The following TRIM29 variants were observed in gnomAD, a reference collection of about 807,000 sequenced individuals.
The protein encoded by TRIM29 is tripartite motif-containing protein 29.
In TRIM29, 52 loss-of-function variants were observed where a neutral mutation model predicts 57.3. The ratio of observed to expected loss-of-function variants is 0.91; its 90% CI spans 0.73 to 1.14. The LOEUF (loss-of-function observed/expected upper bound fraction) is 1.14. Ranked by LOEUF, TRIM29 falls within the 50% of genes most tolerant of loss-of-function variation. The pLI is 0.00. For missense variants in TRIM29, 753 were observed against 774.6 expected (o/e 0.97, Z 0.33); for synonymous variants, 319 against 316.9 (o/e 1.01, Z -0.07).
intron 7 of TRIM29, chr11:120,116,590 T>C (rs543415620): frequency 6.5e-6 from 1 of 154,190 alleles, no homozygotes; most frequent in African/African-American, 2.4e-5. Context: ...GCAAAGAACC[T>C]GGGTCTCTTC....
chr11:120,136,015 A>G (rs572302262), intron 1 of TRIM29, among the ~76,000 whole-genome samples: 79 of 152,296 alleles, frequency 5.2e-4, no homozygotes, highest in African/African-American at 1.8e-3. Flanking sequence ...CAGGTATGCT[A>G]CATCCACAAG....
chr11:120,130,208 G>A (rs1305792638), intron 1 of TRIM29, among the ~76,000 whole-genome samples: 1 of 152,128 alleles, frequency 6.6e-6, no homozygotes, highest in Non-Finnish European at 1.5e-5. Flanking sequence ...GTGAGGAAGA[G>A]TCCAAGAGAG....
chr11:120,119,144 G>A (rs1863365411), intron 6 of TRIM29, among the ~76,000 whole-genome samples: 1 of 152,214 alleles, frequency 6.6e-6, no homozygotes, highest in African/African-American at 2.4e-5. Context: ...CCTATGTGCA[G>A]ACATGTTCTA....
intron 4 of TRIM29, chr11:120,123,921 C>T (rs762172334): frequency 2.9e-4 from 54 of 186,136 alleles, no homozygotes; most frequent in African/African-American, 1.1e-3. Context: ...TGTCTCTTAG[C>T]GCAGGGGCCT....
chr11:120,118,449 G>GGC, intron 6 of TRIM29, 128 bp from the exon 7 acceptor site: 1 of 654,000 alleles, frequency 1.5e-6, no homozygotes, highest in Non-Finnish European at 2.6e-6. Flanking sequence ...GCCACTGTGT[G>GGC]ATCCCAGTGA....
intron 8 of TRIM29, among the ~76,000 whole-genome samples, chr11:120,114,472 A>G (rs952700563): frequency 6.6e-5 from 10 of 152,176 alleles, no homozygotes; most frequent in Non-Finnish European, 1.3e-4. Context: ...CTGACCTCCA[A>G]TTGCAAGGAC....
At chr11:120,120,500 C>A in intron 6 of TRIM29, 73 bp downstream of exon 6, 2 of 1,406,202 alleles carry the variant, frequency 1.4e-6, no homozygotes, top group Non-Finnish European at 2.0e-6. Context: ...GCCCCTGGAC[C>A]CACCTCTATG....
At chr11:120,116,990 C>T (rs924810277) in intron 7 of TRIM29, 11 of 442,934 alleles carry the variant, frequency 2.5e-5, no homozygotes, top group Admixed American at 2.0e-4. Flanking sequence ...CACTGCGACC[C>T]AGTGGTTTGG....
chr11:120,112,410 G>T lies in TRIM29; in HGVS notation c.*4C>A. 1 of 1,613,598 alleles carries T rather than the reference G, an allele frequency of 6.2e-7. No individual in the cohort carries two copies. The highest frequency in any genetic ancestry group is 1.1e-5 in the South Asian group (1 of 91,026). ...TGTGGCGCCTCGTTCCTTCCGCCAG[G>T]AGCTCATGGGGCTTCGTTGGACCCA... On this transcript the variant is annotated 3_prime_UTR_variant, in exon 9 of 9. Coordinates refer to ENST00000341846, the MANE Select transcript of TRIM29 (RefSeq NM_012101.4).
chr11:120,115,221 A>T, intron 8 of TRIM29, 117 bp downstream of exon 8: 2 of 992,426 alleles, frequency 2.0e-6, no homozygotes, highest in Non-Finnish European at 3.1e-6. Flanking sequence ...CTTCTCCTCC[A>T]CCCCATGGCC....
Position 120,118,257 on chromosome 11 carries a change from G to C in TRIM29, c.1593C>G (p.Pro531=), listed in dbSNP as rs763157409. 21 of 1,614,008 alleles carry C rather than the reference G, an allele frequency of 1.3e-5. No homozygotes were observed. Among genetic ancestry groups the C allele is most frequent in the Non-Finnish European group, 1.8e-5 (21 of 1,179,960 alleles). The change falls in exon 7 of 9, where the codon CCC becomes CCG. Residue 531 remains proline, a synonymous_variant. Coordinates refer to ENST00000341846, the MANE Select transcript of TRIM29 (RefSeq NM_012101.4). The part of the protein sequence containing the change: ...SSIQNSDNDL[P]VVQGSSSFSL... The stretch of plus-strand genomic sequence containing the variant: ...AGAAGGAGGAGCTGCCTTGGACGAC[G>C]GGCAGGTCATTGTCAGAGTTCTGAA...
Position 120,115,217 on chromosome 11 carries a change from C to A in TRIM29, c.1704+121G>T, listed in dbSNP as rs1005460569. 13 of 965,016 alleles carry A rather than the reference C, an allele frequency of 1.3e-5. No individual in the cohort carries two copies. In the African/African-American group the frequency reaches 2.1e-4, roughly 16 times the overall value. 59.8% of individuals were successfully genotyped at this position (965,016 alleles called of 1,614,324 possible). A position where few individuals can be genotyped will look rare whatever the true frequency, so the allele number is the denominator to read the frequency against. On this transcript the variant is annotated intron_variant, in intron 8 of 8. Coordinates refer to ENST00000341846, the MANE Select transcript of TRIM29 (RefSeq NM_012101.4). ...TTCAGGCCACTGCTGCCTCCTTCTC[C>A]TCCACCCCATGGCCCAGAGAAGTCC... is the stretch of plus-strand genomic sequence containing the variant.
intron 4 of TRIM29, 70 bp downstream of exon 4, chr11:120,125,621 C>T (rs1212627313): frequency 2.8e-5 from 43 of 1,562,898 alleles, no homozygotes; most frequent in Non-Finnish European, 3.5e-5. Flanking sequence ...CAGCCCATGT[C>T]AGGCAGCAGG....
rs953419084 is a variant in TRIM29, at chr11:120,112,325, C to G, written c.*89G>C. 127 of 1,536,862 alleles carry G rather than the reference C, an allele frequency of 8.3e-5. No individual in the cohort carries two copies. The highest frequency in any genetic ancestry group is 1.1e-4 in the Non-Finnish European group (123 of 1,116,958). ...AGGTGCAGGACCAGGCTCCCTCCCA[C>G]CCAGACAAGCACAGTAGCTTAGAAG... On this transcript the variant is annotated 3_prime_UTR_variant, in exon 9 of 9. Transcript: ENST00000341846.
At chr11:120,132,020 G>GT (rs1366534118) in intron 1 of TRIM29, among the ~76,000 whole-genome samples, 1 of 151,428 alleles carries the variant, frequency 6.6e-6, no homozygotes, top group Non-Finnish European at 1.5e-5. Flanking sequence ...TTGGAAAGCG[G>GT]TAAGGCCAAG....
intron 1 of TRIM29, among the ~76,000 whole-genome samples, chr11:120,132,751 G>T (rs1056487325): frequency 2.0e-5 from 3 of 152,210 alleles, no homozygotes; most frequent in South Asian, 2.1e-4. Flanking sequence ...TGCCAAATTT[G>T]TACTCTCAGA....
intron 6 of TRIM29, 71 bp downstream of exon 6, chr11:120,120,502 A>C: frequency 2.1e-6 from 3 of 1,431,440 alleles, no homozygotes; most frequent in South Asian, 2.5e-5. Flanking sequence ...CCCTGGACCC[A>C]CCTCTATGCC....
At chr11:120,114,420 C>T (rs542234476) in intron 8 of TRIM29, among the ~76,000 whole-genome samples, 1 of 152,320 alleles carries the variant, frequency 6.6e-6, no homozygotes, top group Admixed American at 6.5e-5. Flanking sequence ...TAAACCAACC[C>T]CAGCCATTCT....
At chr11:120,114,698 C>T (rs1267575542) in intron 8 of TRIM29, among the ~76,000 whole-genome samples, 3 of 152,178 alleles carry the variant, frequency 2.0e-5, no homozygotes, top group Non-Finnish European at 4.4e-5. Context: ...TGGGGATCAT[C>T]TCAGTCCCCA....
Sources: allele counts gnomAD v4.1 joint callset (sites outside exome capture counted in the v4.1 genomes callset), GRCh38; gene constraint gnomAD v4.1.1; transcripts MANE v1.5; gene names NCBI Gene and HGNC (gene_info 2026-07-23, HGNC 2026-07-21).